Variants in ESRRG observed in about 807,000 individuals in gnomAD.
ESRRG encodes the protein estrogen related receptor gamma.
A neutral mutation model predicts 44.0 loss-of-function variants in ESRRG; 13 were observed. The observed-to-expected ratio is 0.30, with a 90% CI of 0.19 to 0.47. The LOEUF is 0.47. Ranked by LOEUF, ESRRG falls within the 20% of genes least tolerant of loss-of-function variation. ESRRG has a pLI of 1.00. For missense variants in ESRRG, 395 were observed against 580.6 expected (o/e 0.68, Z 3.29); for synonymous variants, 215 against 214.6 (o/e 1.00, Z -0.02).
intron 2 of ESRRG, among the ~76,000 whole-genome samples, chr1:216,759,415 C>T (rs547449270): frequency 1.7e-4 from 26 of 152,228 alleles, no homozygotes; most frequent in African/African-American, 4.8e-4. Context: ...CCCAGCAAAC[C>T]TCCTAAGGGT....
At chr1:216,955,196 T>A (rs1234161000) in intron 1 of ESRRG, among the ~76,000 whole-genome samples, 2 of 152,074 alleles carry the variant, frequency 1.3e-5, no homozygotes, top group Admixed American at 1.3e-4. Flanking sequence ...CATCCTTCCC[T>A]CACACCTACC....
At chr1:216,532,398 G>A (rs1056725841) in intron 5 of ESRRG, among the ~76,000 whole-genome samples, 1 of 152,140 alleles carries the variant, frequency 6.6e-6, no homozygotes, top group Admixed American at 6.6e-5. Flanking sequence ...AAACAGAGCT[G>A]CACAGATGGA....
intron 2 of ESRRG, among the ~76,000 whole-genome samples, chr1:216,847,358 G>T (rs2095769032): frequency 6.6e-6 from 1 of 152,062 alleles, no homozygotes; most frequent in African/African-American, 2.4e-5. Context: ...CAACCTATTT[G>T]CTATCTTTAT....
chr1:217,106,750 C>T (rs1016935679), intron 1 of ESRRG, among the ~76,000 whole-genome samples: 6 of 152,168 alleles, frequency 3.9e-5, no homozygotes, highest in Non-Finnish European at 8.8e-5. Flanking sequence ...AACCCTATCT[C>T]CAGCCTCTCT....
At chr1:216,857,456 C>T (rs1282864511) in intron 2 of ESRRG, among the ~76,000 whole-genome samples, 1 of 151,956 alleles carries the variant, frequency 6.6e-6, no homozygotes, top group Non-Finnish European at 1.5e-5. Context: ...ACCAATTTCA[C>T]TTCAACACTC....
intron 1 of ESRRG, among the ~76,000 whole-genome samples, chr1:216,689,616 T>C (rs1368768758): frequency 6.6e-6 from 1 of 151,954 alleles, no homozygotes; most frequent in African/African-American, 2.4e-5. Flanking sequence ...CTATTAGAGG[T>C]AATAAAAGCC....
At chr1:216,885,983 T>TAA (rs1048542206) in intron 2 of ESRRG, among the ~76,000 whole-genome samples, 5 of 150,276 alleles carry the variant, frequency 3.3e-5, no homozygotes, top group African/African-American at 1.2e-4. Context: ...CCCTTTTTTT[T>TAA]AAAAAAAAAA....
intron 1 of ESRRG, among the ~76,000 whole-genome samples, chr1:217,096,597 G>T (rs1343571828): frequency 7.7e-6 from 1 of 129,726 alleles, no homozygotes; most frequent in Non-Finnish European, 1.7e-5. Context: ...CGCCAAAGGG[G>T]TGGATTGACT....
intron 1 of ESRRG, among the ~76,000 whole-genome samples, chr1:217,062,367 C>T (rs1277314956): frequency 6.6e-6 from 1 of 152,118 alleles, no homozygotes; most frequent in Non-Finnish European, 1.5e-5. Flanking sequence ...TGGCCTCTGC[C>T]TATTAAACAC....
At chr1:216,999,166 T>C (rs1384239267) in intron 1 of ESRRG, among the ~76,000 whole-genome samples, 1 of 152,168 alleles carries the variant, frequency 6.6e-6, no homozygotes, top group Non-Finnish European at 1.5e-5. Context: ...TACCTGAATC[T>C]GTATGCCCAG....
chr1:216,651,673 T>G (rs1207390808), intron 2 of ESRRG, among the ~76,000 whole-genome samples: 1 of 152,202 alleles, frequency 6.6e-6, no homozygotes, highest in Non-Finnish European at 1.5e-5. Context: ...AAATGCTTAC[T>G]GATCATGGTG....
chr1:217,085,245 G>T (rs1451403084), intron 1 of ESRRG, among the ~76,000 whole-genome samples: 1 of 152,006 alleles, frequency 6.6e-6, no homozygotes, highest in African/African-American at 2.4e-5. Flanking sequence ...TTCAAGGTTT[G>T]CAATAATTTT....
At chr1:216,714,114 G>A (rs965109235) in intron 1 of ESRRG, among the ~76,000 whole-genome samples, 5 of 152,132 alleles carry the variant, frequency 3.3e-5, no homozygotes, top group African/African-American at 9.7e-5. Flanking sequence ...TAGCAAAAAT[G>A]TCAGCCTCCA....
At chr1:216,624,101 C>G (rs2062755585) in intron 3 of ESRRG, among the ~76,000 whole-genome samples, 1 of 152,094 alleles carries the variant, frequency 6.6e-6, no homozygotes, top group Admixed American at 6.5e-5. Context: ...CAGGGAGGCA[C>G]AAAAAACCCA....
At chr1:216,946,925 C>T (rs780801943) in intron 1 of ESRRG, among the ~76,000 whole-genome samples, 2 of 152,058 alleles carry the variant, frequency 1.3e-5, no homozygotes, top group Non-Finnish European at 2.9e-5. Context: ...GTCTCGAACT[C>T]CTGACCTCAA....
chr1:217,135,300 C>G (rs2102555310), intron 1 of ESRRG, among the ~76,000 whole-genome samples: 1 of 152,266 alleles, frequency 6.6e-6, no homozygotes, highest in Non-Finnish European at 1.5e-5. Flanking sequence ...CACACACGCC[C>G]ACCCCGCCTC....
At chr1:217,132,731 G>T (rs2092982675) in intron 1 of ESRRG, among the ~76,000 whole-genome samples, 1 of 151,998 alleles carries the variant, frequency 6.6e-6, no homozygotes, top group African/African-American at 2.4e-5. Context: ...TCTTCTTGGG[G>T]GTTACAGGTG....
At chr1:216,980,345 T>G (rs2073738101) in intron 1 of ESRRG, among the ~76,000 whole-genome samples, 1 of 152,180 alleles carries the variant, frequency 6.6e-6, no homozygotes, top group Non-Finnish European at 1.5e-5. Flanking sequence ...TCCAGCTATA[T>G]GTCCCAGAAA....
chr1:216,765,729 A>C (rs2093040720), intron 2 of ESRRG, among the ~76,000 whole-genome samples: 1 of 152,144 alleles, frequency 6.6e-6, no homozygotes, highest in African/African-American at 2.4e-5. Flanking sequence ...GAGAGAGACA[A>C]GAAACCCTTG....
Sources: gnomAD v4.1 joint callset for allele counts (sites outside exome capture counted in the v4.1 genomes callset) on GRCh38, gnomAD v4.1.1 for gene constraint, MANE v1.5 for transcripts, NCBI Gene and HGNC (gene_info 2026-07-23, HGNC 2026-07-21) for gene names.